PCDHA3: variants seen among roughly 807,000 people sequenced by gnomAD.
The protein encoded by PCDHA3 is protocadherin alpha 3.
In PCDHA3, 41 loss-of-function variants were observed where a neutral mutation model predicts 62.2. That is an observed-to-expected ratio of 0.66 (90% CI 0.51 to 0.86). The LOEUF is 0.86. Among genes scored for constraint, PCDHA3 ranks in the 40% least tolerant of loss-of-function variants. The pLI is 0.00. For missense variants in PCDHA3, 1,304 were observed against 1,241.2 expected (o/e 1.05, Z -0.76); for synonymous variants, 640 against 555.4 (o/e 1.15, Z -2.14).
intron 1 of PCDHA3, among the ~76,000 whole-genome samples, chr5:140,971,037 TA>T (rs2096453416): frequency 1.3e-5 from 2 of 152,200 alleles, no homozygotes; most frequent in Admixed American, 6.5e-5. Context: ...TGAAAGCACG[TA>T]AAAGGGTTTA....
intron 1 of PCDHA3, among the ~76,000 whole-genome samples, chr5:140,819,072 A>G (rs1766484697): frequency 6.6e-6 from 1 of 152,220 alleles, no homozygotes; most frequent in Non-Finnish European, 1.5e-5. Flanking sequence ...GACTCATTAT[A>G]CAGGCAGCGC....
rs2150120995 is a variant in PCDHA3, at chr5:140,822,981, T to C, written c.2394+19390T>C. ...TCAAGCTGGTGTCCACCTTCAAGAA[T>C]TACTACTCGTTGGTGCTGGACAGCG... is the stretch of plus-strand genomic sequence containing the variant. On this transcript the variant is annotated intron_variant, in intron 1 of 3. Transcript: ENST00000522353. The C allele has an allele frequency of 1.4e-5, 23 of 1,614,242 alleles. No homozygotes were observed. The East Asian group carries it at 5.1e-4, about 36-fold the overall frequency.
chr5:140,941,242 T>TC (rs1312617364), intron 1 of PCDHA3, among the ~76,000 whole-genome samples: 1 of 141,172 alleles, frequency 7.1e-6, no homozygotes, highest in East Asian at 2.0e-4. Flanking sequence ...TTTCTTTCTT[T>TC]CTTTCTTTCT....
chr5:140,964,238 T>G (rs1354844619), intron 1 of PCDHA3, among the ~76,000 whole-genome samples: 1 of 152,208 alleles, frequency 6.6e-6, no homozygotes, highest in Admixed American at 6.5e-5. Flanking sequence ...AGGCTGATTG[T>G]GTTGGCTTTA....
chr5:140,971,091 T>G (rs1355075556), intron 1 of PCDHA3, among the ~76,000 whole-genome samples: 1 of 152,180 alleles, frequency 6.6e-6, no homozygotes, highest in Non-Finnish European at 1.5e-5. Flanking sequence ...AACAAATTCT[T>G]GTGAAGCCCT....
At chr5:140,823,944 G>A (rs1767937755) in intron 1 of PCDHA3, 1 of 1,613,944 alleles carries the variant, frequency 6.2e-7, no homozygotes, top group Non-Finnish European at 8.5e-7. Context: ...TGCGGTGCTC[G>A]GCGCAGCCCA....
chr5:140,951,716 C>T (rs2094623458), intron 1 of PCDHA3, among the ~76,000 whole-genome samples: 1 of 152,102 alleles, frequency 6.6e-6, no homozygotes, highest in South Asian at 2.1e-4. Flanking sequence ...GGACACAGAT[C>T]CAAACCATGT....
Position 140,803,178 on chromosome 5 carries a change from GC to G in PCDHA3, c.1983del (p.Thr662ArgfsTer39). The G allele has an allele frequency of 6.2e-7, 1 of 1,613,858 alleles. No homozygotes were observed. The highest frequency in any genetic ancestry group is 8.5e-7 in the Non-Finnish European group (1 of 1,179,934). ...GGACCACGGTGAACCCTCATTGACCGCCACGGCCACTGTGCTGGTGTCGCTG... is the reference window on the plus strand; with the variant it reads ...GGACCACGGTGAACCCTCATTGACCGCACGGCCACTGTGCTGGTGTCGCTG... ...VKDHGEPSLTATATVLVSLVE... is the reference protein window; with the variant it reads ...VKDHGEPSLTXTATVLVSLVE... On this transcript the variant is annotated frameshift_variant, in exon 1 of 4. Transcript: ENST00000522353. LOFTEE classifies it high-confidence loss of function.
intron 1 of PCDHA3, chr5:140,876,310 G>A: frequency 6.2e-7 from 1 of 1,613,982 alleles, no homozygotes. Flanking sequence ...AATTTCCTAT[G>A]GGATCAAAAT....
intron 1 of PCDHA3, chr5:140,929,246 C>A: frequency 6.2e-7 from 1 of 1,613,738 alleles, no homozygotes; most frequent in Non-Finnish European, 8.5e-7. Flanking sequence ...AATCTTGCCA[C>A]TGGGGTAGGA....
chr5:140,954,845 C>G (rs1479368081), intron 1 of PCDHA3, among the ~76,000 whole-genome samples: 2 of 152,140 alleles, frequency 1.3e-5, no homozygotes, highest in African/African-American at 2.4e-5. Flanking sequence ...AAATCTTTGC[C>G]TGTGCCTATG....
chr5:140,924,902 A>AAT (rs2082141904), intron 1 of PCDHA3, among the ~76,000 whole-genome samples: 1 of 39,026 alleles, frequency 2.6e-5, no homozygotes, highest in African/African-American at 7.6e-5. Flanking sequence ...CTCAAAAAAA[A>AAT]AAATAAAATA....
At chr5:140,840,399 T>A (rs1321013469) in intron 1 of PCDHA3, among the ~76,000 whole-genome samples, 1 of 151,988 alleles carries the variant, frequency 6.6e-6, no homozygotes, top group African/African-American at 2.4e-5. Context: ...GATATGGAGT[T>A]AAGAATACTT....
rs183652630 is a variant in PCDHA3 at position 140,854,028 on chromosome 5, G to A, written c.2394+50437G>A. 2.2e-3 allele frequency: 685 copies of A among 307,422 alleles called. 24 individuals are homozygous for A. The highest frequency in any genetic ancestry group is 3.0e-3 in the Non-Finnish European group (614 of 202,590). 19.0% of individuals were successfully genotyped at this position (307,422 alleles called of 1,614,324 possible). A position where few individuals can be genotyped will look rare whatever the true frequency, so the allele number is the denominator to read the frequency against. On this transcript the variant is annotated intron_variant, in intron 1 of 3. Transcript: ENST00000522353. ...AAAAAAAAAATTAGCCGGGCATGGTGGCACACATCTCTAGTCCCAATTACT... is the reference window on the plus strand; with the variant it reads ...AAAAAAAAAATTAGCCGGGCATGGTAGCACACATCTCTAGTCCCAATTACT...
chr5:140,884,750 A>G, intron 1 of PCDHA3: 1 of 1,431,238 alleles, frequency 7.0e-7, no homozygotes, highest in Non-Finnish European at 9.2e-7. Flanking sequence ...TGCCAATTTC[A>G]AATTATTCTT....
intron 3 of PCDHA3, among the ~76,000 whole-genome samples, chr5:140,991,237 A>G (rs2097440162): frequency 6.6e-6 from 1 of 152,186 alleles, no homozygotes; most frequent in African/African-American, 2.4e-5. Context: ...ATGCAGTGGT[A>G]AAGGCAGTAT....
intron 1 of PCDHA3, chr5:140,808,527 A>T: frequency 1.9e-6 from 3 of 1,614,152 alleles, no homozygotes; most frequent in South Asian, 2.2e-5. Flanking sequence ...GAGGTGGCTG[A>T]TGTGAACGAC....
rs114918834 is a variant in PCDHA3, at chr5:140,920,894, T to C, written c.2395-58055T>C. 7.8e-3 allele frequency among the ~76,000 whole-genome samples: 1,179 copies of C among 151,482 alleles called. 6 individuals carry two copies. The highest frequency in any genetic ancestry group is 0.019 in the African/African-American group (771 of 41,278). Reference sequence around the variant, plus strand: ...GTGGCCCTTAGAACTTAAAGTCATATTTTGGTTCTCAAATCAGTTCCAAGA... The same window carrying C: ...GTGGCCCTTAGAACTTAAAGTCATACTTTGGTTCTCAAATCAGTTCCAAGA... On this transcript the variant is annotated intron_variant, in intron 1 of 3. Coordinates refer to ENST00000522353, the MANE Select transcript of PCDHA3 (RefSeq NM_018906.3).
intron 3 of PCDHA3, among the ~76,000 whole-genome samples, chr5:140,985,238 A>G (rs2097143387): frequency 1.3e-5 from 2 of 152,120 alleles, no homozygotes; most frequent in Non-Finnish European, 2.9e-5. Context: ...CGCCTGGCCT[A>G]ATCTTCTTAC....
Sources: gnomAD v4.1 joint callset for allele counts (sites outside exome capture counted in the v4.1 genomes callset) on GRCh38, gnomAD v4.1.1 for gene constraint, MANE v1.5 for transcripts, NCBI Gene and HGNC (gene_info 2026-07-23, HGNC 2026-07-21) for gene names.